Variants in DNAAF9 observed in about 807,000 individuals in gnomAD.
The protein encoded by DNAAF9 is shulin.
Under a neutral mutation model 167.0 loss-of-function variants are expected in DNAAF9, and 90 were observed. The ratio of observed to expected loss-of-function variants is 0.54; its 90% CI spans 0.45 to 0.64. The LOEUF is 0.64. Ranked by LOEUF, DNAAF9 falls within the 30% of genes least tolerant of loss-of-function variation. The pLI is 0.00. For synonymous variants in DNAAF9, 491 were observed against 508.8 expected, an observed-to-expected ratio of 0.96 and a Z score of 0.47; for missense variants, 1,315 against 1,442.2, an observed-to-expected ratio of 0.91 and a Z score of 1.43.
chr20:3,361,791 C>T, intron 6 of DNAAF9: 2 of 1,209,012 alleles, frequency 1.7e-6, no homozygotes, highest in Non-Finnish European at 2.3e-6. Flanking sequence ...GTCTACAAGA[C>T]ATATCTAGAA....
intron 8 of DNAAF9, among the ~76,000 whole-genome samples, chr20:3,344,617 ACACACACAC>A (rs2070156913): frequency 6.6e-6 from 1 of 150,938 alleles, no homozygotes; most frequent in African/African-American, 2.5e-5. Context: ...ACACACACAC[ACACACACAC>A]ACACACACAC....
At chr20:3,258,459 T>C (rs1027665277) in intron 33 of DNAAF9, among the ~76,000 whole-genome samples, 1 of 152,060 alleles carries the variant, frequency 6.6e-6, no homozygotes, top group Non-Finnish European at 1.5e-5. Flanking sequence ...CTTCTTCCAA[T>C]ACCAATACCC....
At chr20:3,289,818 CTGCTT>C (rs1311658985) in intron 26 of DNAAF9, among the ~76,000 whole-genome samples, 1 of 152,122 alleles carries the variant, frequency 6.6e-6, no homozygotes, top group Non-Finnish European at 1.5e-5. Flanking sequence ...GGCCCCTTCT[CTGCTT>C]TATTTTCTCC....
chr20:3,338,022 G>A (rs1266123652), intron 10 of DNAAF9, among the ~76,000 whole-genome samples: 7 of 145,788 alleles, frequency 4.8e-5, no homozygotes, highest in Admixed American at 1.4e-4. Context: ...TATATATTAC[G>A]TTATATATAA....
At chr20:3,271,541 C>T (rs2068591951) in intron 29 of DNAAF9, among the ~76,000 whole-genome samples, 1 of 152,048 alleles carries the variant, frequency 6.6e-6, no homozygotes, top group African/African-American at 2.4e-5. Context: ...ATATTCATTC[C>T]TATTTTAACA....
chr20:3,377,069 A>AAAAAAT (rs141074841), intron 3 of DNAAF9, among the ~76,000 whole-genome samples: 4 of 152,124 alleles, frequency 2.6e-5, no homozygotes, highest in South Asian at 4.1e-4. Context: ...ACTCCGTCTC[A>AAAAAAT]AAAAATAAAA....
At chr20:3,340,456 C>CCAAA in intron 10 of DNAAF9, 48 bp downstream of exon 10, 1 of 1,152,354 alleles carries the variant, frequency 8.7e-7, no homozygotes, top group Non-Finnish European at 1.2e-6. Context: ...CCCACCCCCA[C>CCAAA]AACTTGATAA....
intron 6 of DNAAF9, among the ~76,000 whole-genome samples, chr20:3,369,189 A>G (rs1257666462): frequency 2.0e-5 from 3 of 151,672 alleles, no homozygotes; most frequent in African/African-American, 7.3e-5. Context: ...GGACAGATTT[A>G]AGGGTTTTTT....
At chr20:3,280,399 C>T (rs1387032446) in intron 28 of DNAAF9, among the ~76,000 whole-genome samples, 2 of 151,836 alleles carry the variant, frequency 1.3e-5, no homozygotes, top group African/African-American at 4.8e-5. Context: ...CCCGTCTCTA[C>T]TAAAAATACA....
At chr20:3,393,974 A>C (rs2083864468) in intron 1 of DNAAF9, among the ~76,000 whole-genome samples, 1 of 152,236 alleles carries the variant, frequency 6.6e-6, no homozygotes, top group Non-Finnish European at 1.5e-5. Context: ...GCATACTCAT[A>C]TTCTTTACCT....
At chr20:3,310,119 G>A (rs1186708271) in intron 20 of DNAAF9, among the ~76,000 whole-genome samples, 2 of 151,914 alleles carry the variant, frequency 1.3e-5, no homozygotes, top group African/African-American at 4.8e-5. Context: ...TTAAACCTGG[G>A]AGGCAGAGGT....
chr20:3,390,635 G>A (rs1030990119), intron 1 of DNAAF9, among the ~76,000 whole-genome samples: 1 of 152,154 alleles, frequency 6.6e-6, no homozygotes, highest in African/African-American at 2.4e-5. Flanking sequence ...AAAGTGCTGG[G>A]ATTACAAGTG....
intron 6 of DNAAF9, among the ~76,000 whole-genome samples, chr20:3,366,979 A>T (rs1190017206): frequency 6.6e-6 from 1 of 152,140 alleles, no homozygotes; most frequent in Admixed American, 6.5e-5. Context: ...AAAGTCCTAG[A>T]TGGCATCGTC....
At chr20:3,262,940 T>G (rs933364262) in intron 31 of DNAAF9, among the ~76,000 whole-genome samples, 2 of 151,918 alleles carry the variant, frequency 1.3e-5, no homozygotes, top group Non-Finnish European at 2.9e-5. Flanking sequence ...ATTTTTTTGG[T>G]TTTGTTTTTT....
Position 3,281,705 on chromosome 20 carries a change from C to T in DNAAF9, c.2548G>A (p.Ala850Thr), listed in dbSNP as rs759456453. 6.2e-7 allele frequency: 1 copy of T among 1,612,580 alleles called. No homozygotes were observed. Among genetic ancestry groups the T allele is most frequent in the South Asian group, 1.1e-5 (1 of 90,736 alleles). ...LQTHPDSNVK[A>T]SFTIGAITAC... ...GTGATGGCACCAATGGTGAAGGAGGCCTTGACATTTGAGTCTGGGTGGGTC... is the reference window on the plus strand; with the variant it reads ...GTGATGGCACCAATGGTGAAGGAGGTCTTGACATTTGAGTCTGGGTGGGTC... Residue 850 changes from alanine (A) to threonine (T), a missense_variant, in exon 28 of 37, where the codon GCC becomes ACC. This residue lies in a region of DNAAF9 where 334 missense variants were observed against 429.7 expected (regional missense o/e 0.78). Transcript: ENST00000252032.
At chr20:3,261,988 A>G (rs2068398219) in intron 31 of DNAAF9, among the ~76,000 whole-genome samples, 1 of 152,138 alleles carries the variant, frequency 6.6e-6, no homozygotes, top group Admixed American at 6.5e-5. Context: ...GGGAAGTGGC[A>G]GAGAATGTGT....
At chr20:3,272,869 CTGGAGTGCAA>C (rs1222394791) in intron 29 of DNAAF9, among the ~76,000 whole-genome samples, 4 of 152,110 alleles carry the variant, frequency 2.6e-5, no homozygotes, top group African/African-American at 9.7e-5. Context: ...GTTGCCCTGG[CTGGAGTGCAA>C]TGGTGCAATC....
chr20:3,326,643 C>G (rs6051746), intron 12 of DNAAF9, among the ~76,000 whole-genome samples: 37,448 of 151,504 alleles, frequency 0.25, 5,245 homozygotes, highest in African/African-American at 0.37. Context: ...TATTTAGGAG[C>G]CTGAGGCTGG....
intron 20 of DNAAF9, among the ~76,000 whole-genome samples, chr20:3,308,759 G>A (rs577329164): frequency 1.2e-4 from 18 of 151,648 alleles, no homozygotes; most frequent in Non-Finnish European, 7.4e-5. Context: ...GGAGCTTCAC[G>A]TGAGGCCTGG....
Sources: allele counts gnomAD v4.1 joint callset (sites outside exome capture counted in the v4.1 genomes callset), GRCh38; gene constraint gnomAD v4.1.1; regional missense constraint gnomAD v4.1.1; transcripts MANE v1.5; gene names NCBI Gene and HGNC (gene_info 2026-07-23, HGNC 2026-07-21).